The following PPP1R12B variants were observed in gnomAD, a reference collection of about 807,000 sequenced individuals.
PPP1R12B encodes myosin phosphatase target subunit 2.
Under a neutral mutation model 126.1 loss-of-function variants are expected in PPP1R12B, and 76 were observed. The observed-to-expected ratio is 0.60, with a 90% CI of 0.50 to 0.73. The LOEUF (loss-of-function observed/expected upper bound fraction) is 0.73. Among genes scored for constraint, PPP1R12B ranks in the 30% least tolerant of loss-of-function variants. The pLI is 0.00. For synonymous variants in PPP1R12B, 356 were observed against 434.7 expected (o/e 0.82, Z 2.25); for missense variants, 1,052 against 1,205.1 (o/e 0.87, Z 1.88).
chr1:202,449,431 C>T (rs967468088), intron 13 of PPP1R12B, among the ~76,000 whole-genome samples: 2 of 151,172 alleles, frequency 1.3e-5, no homozygotes, highest in African/African-American at 4.9e-5. Context: ...GTGTGTCACC[C>T]CACCCGGCTA....
chr1:202,397,482 C>T (rs1442577682), intron 1 of PPP1R12B, among the ~76,000 whole-genome samples: 2 of 152,160 alleles, frequency 1.3e-5, no homozygotes, highest in African/African-American at 4.8e-5. Context: ...TCCACATGCC[C>T]AGCTTCAAAT....
chr1:202,498,745 C>T (rs180981205), intron 18 of PPP1R12B, among the ~76,000 whole-genome samples: 402 of 152,296 alleles, frequency 2.6e-3, no homozygotes, highest in Non-Finnish European at 3.9e-3. Flanking sequence ...TCAGGCAGTA[C>T]AGTTGACTCA....
intron 1 of PPP1R12B, among the ~76,000 whole-genome samples, chr1:202,403,802 C>G (rs1411343620): frequency 6.6e-6 from 1 of 152,140 alleles, no homozygotes; most frequent in African/African-American, 2.4e-5. Flanking sequence ...CCTTATATTC[C>G]CTGTTTTGTC....
chr1:202,439,405 C>T (rs1326486026), intron 10 of PPP1R12B: 43 of 1,240,082 alleles, frequency 3.5e-5, no homozygotes, highest in Admixed American at 9.0e-5. Flanking sequence ...CAGCGGAGCA[C>T]GGAGACCGCC....
At chr1:202,468,655 A>G (rs1675398089) in intron 13 of PPP1R12B, among the ~76,000 whole-genome samples, 1 of 152,144 alleles carries the variant, frequency 6.6e-6, no homozygotes, top group Non-Finnish European at 1.5e-5. Flanking sequence ...GGAATAGGTA[A>G]AGAAGGGTAA....
chr1:202,372,645 T>C (rs1052888083), intron 1 of PPP1R12B, among the ~76,000 whole-genome samples: 7 of 152,060 alleles, frequency 4.6e-5, no homozygotes, highest in Non-Finnish European at 8.8e-5. Flanking sequence ...TGGTGGCATA[T>C]GCCTGTGGTC....
At chr1:202,360,352 TCATCA>T (rs2148404344) in intron 1 of PPP1R12B, among the ~76,000 whole-genome samples, 1 of 152,306 alleles carries the variant, frequency 6.6e-6, no homozygotes, top group South Asian at 2.1e-4. Flanking sequence ...ATTCTAATTA[TCATCA>T]CATCACAAGA....
At chr1:202,511,964 A>G (rs1209673515) in intron 18 of PPP1R12B, among the ~76,000 whole-genome samples, 2 of 152,154 alleles carry the variant, frequency 1.3e-5, no homozygotes, top group African/African-American at 2.4e-5. Context: ...TGAGATGTCA[A>G]GTAGACAGTT....
chr1:202,439,201 A>G, intron 10 of PPP1R12B: 1 of 1,480,996 alleles, frequency 6.8e-7, no homozygotes, highest in Non-Finnish European at 9.4e-7. Flanking sequence ...ACTACTGCGC[A>G]GCCCTGTGCT....
intron 18 of PPP1R12B, among the ~76,000 whole-genome samples, chr1:202,526,150 T>C (rs1683323860): frequency 6.6e-6 from 1 of 152,210 alleles, no homozygotes; most frequent in South Asian, 2.1e-4. Context: ...AGGATTTGAC[T>C]TCAAATAGAA....
At chr1:202,354,884 G>T (rs1336794718) in intron 1 of PPP1R12B, among the ~76,000 whole-genome samples, 3 of 148,540 alleles carry the variant, frequency 2.0e-5, no homozygotes, top group African/African-American at 7.5e-5. Flanking sequence ...GGAGTGCAGT[G>T]GTGTGATCTC....
chr1:202,446,248 A>ATTT (rs1684193784), intron 12 of PPP1R12B, among the ~76,000 whole-genome samples: 1 of 60,686 alleles, frequency 1.6e-5, no homozygotes, highest in African/African-American at 8.8e-5. Flanking sequence ...ATATATATAT[A>ATTT]TATATATATT....
chr1:202,493,166 G>C lies in PPP1R12B; in HGVS notation c.1994G>C (p.Arg665Thr). Residue 665 changes from arginine to threonine, a missense_variant, in exon 15 of 24, where the codon AGG becomes ACG. Arg to Thr is a moderately conservative substitution (Grantham distance 71, BLOSUM62 -1). Coordinates refer to ENST00000608999, the MANE Select transcript of PPP1R12B (RefSeq NM_002481.4). ...QEAERTFSRS[R>T]AERQAQEQPR... is the part of the protein sequence containing the mutation. ...GCAGAAAGGACATTCAGCCGGTCGAGGGCAGAGAGGCAAGCTCAGGAGCAG... is the reference window on the plus strand; with the variant it reads ...GCAGAAAGGACATTCAGCCGGTCGACGGCAGAGAGGCAAGCTCAGGAGCAG... 1.2e-6 allele frequency: 2 copies of C among 1,612,232 alleles called. No individual in the cohort carries two copies. The highest frequency in any genetic ancestry group is 1.1e-5 in the South Asian group (1 of 90,992).
intron 23 of PPP1R12B, chr1:202,576,763 C>G (rs1689130450): frequency 6.6e-6 from 1 of 151,950 alleles, no homozygotes; most frequent in South Asian, 2.1e-4. Context: ...TTATTTAAGG[C>G]CTGTGCTGAA....
At chr1:202,514,864 T>G (rs907322019) in intron 18 of PPP1R12B, among the ~76,000 whole-genome samples, 2 of 152,208 alleles carry the variant, frequency 1.3e-5, no homozygotes, top group Non-Finnish European at 2.9e-5. Flanking sequence ...GTAGCACTAT[T>G]CACAATAGCA....
intron 18 of PPP1R12B, among the ~76,000 whole-genome samples, chr1:202,509,969 G>A (rs1681247202): frequency 6.6e-6 from 1 of 152,092 alleles, no homozygotes; most frequent in Non-Finnish European, 1.5e-5. Flanking sequence ...ATTGAGCATG[G>A]GATGGCATAA....
At chr1:202,387,895 A>G (rs1663423251) in intron 1 of PPP1R12B, among the ~76,000 whole-genome samples, 1 of 152,224 alleles carries the variant, frequency 6.6e-6, no homozygotes, top group Admixed American at 6.5e-5. Context: ...TGTGTCACAC[A>G]GTAAGAATAT....
intron 13 of PPP1R12B, among the ~76,000 whole-genome samples, chr1:202,451,749 G>A (rs779836721): frequency 1.3e-5 from 2 of 151,936 alleles, no homozygotes; most frequent in Non-Finnish European, 2.9e-5. Context: ...AGGGGCGGCC[G>A]GGCAGAGGTG....
intron 18 of PPP1R12B, among the ~76,000 whole-genome samples, chr1:202,523,865 C>G (rs1433664553): frequency 6.6e-6 from 1 of 152,064 alleles, no homozygotes. Flanking sequence ...CAGGTGCATG[C>G]CACCACGCCC....
Sources: allele counts gnomAD v4.1 joint callset (sites outside exome capture counted in the v4.1 genomes callset), GRCh38; gene constraint gnomAD v4.1.1; transcripts MANE v1.5; gene names NCBI Gene and HGNC (gene_info 2026-07-23, HGNC 2026-07-21).